Variants in KITLG observed in about 807,000 individuals in gnomAD.
KITLG encodes the protein c-Kit ligand.
Under a neutral mutation model 34.1 loss-of-function variants are expected in KITLG, and 13 were observed. That is an observed-to-expected ratio of 0.38 (90% CI 0.25 to 0.61). KITLG has a LOEUF of 0.61. Ranked by LOEUF, KITLG falls within the 20% of genes least tolerant of loss-of-function variation. The probability of loss-of-function intolerance (pLI) is 0.60; values close to 1 mark genes in which losing one functional copy is unlikely to be tolerated. For synonymous variants in KITLG, 110 were observed against 104.0 expected, an observed-to-expected ratio of 1.06 and a Z score of -0.35; for missense variants, 292 against 318.9, an observed-to-expected ratio of 0.92 and a Z score of 0.64.
chr12:88,559,864 T>A (rs1208197266), intron 1 of KITLG, among the ~76,000 whole-genome samples: 1 of 152,220 alleles, frequency 6.6e-6, no homozygotes, highest in African/African-American at 2.4e-5. Flanking sequence ...TGCAGATTCA[T>A]TGACATGCCT....
intron 9 of KITLG, among the ~76,000 whole-genome samples, chr12:88,502,095 C>T (rs1868884124): frequency 6.6e-6 from 1 of 152,046 alleles, no homozygotes; most frequent in Admixed American, 6.6e-5. Flanking sequence ...TGACCTGAGC[C>T]TTGGTGGAGC....
intron 1 of KITLG, among the ~76,000 whole-genome samples, chr12:88,553,310 T>A (rs1260431244): frequency 6.6e-6 from 1 of 152,220 alleles, no homozygotes; most frequent in African/African-American, 2.4e-5. Flanking sequence ...TCTGAGGGAA[T>A]AGGGTGCCTA....
chr12:88,550,767 A>T (rs1190643846), intron 1 of KITLG, among the ~76,000 whole-genome samples: 1 of 152,184 alleles, frequency 6.6e-6, no homozygotes, highest in Non-Finnish European at 1.5e-5. Context: ...ATGCGATAGC[A>T]GATCTCTAAA....
intron 9 of KITLG, among the ~76,000 whole-genome samples, chr12:88,498,903 G>C (rs568733624): frequency 7.7e-4 from 117 of 152,284 alleles, no homozygotes; most frequent in African/African-American, 2.8e-3. Flanking sequence ...GAAAGAGAGA[G>C]AGAGAGAATT....
intron 6 of KITLG, among the ~76,000 whole-genome samples, chr12:88,509,005 T>C (rs1214554425): frequency 6.6e-6 from 1 of 152,192 alleles, no homozygotes; most frequent in Admixed American, 6.5e-5. Context: ...CATTTGGCTG[T>C]TTTGGTTCTC....
intron 9 of KITLG, among the ~76,000 whole-genome samples, chr12:88,504,185 G>C (rs1450324813): frequency 6.6e-6 from 1 of 151,926 alleles, no homozygotes; most frequent in African/African-American, 2.4e-5. Flanking sequence ...CAAAACTGGA[G>C]AATACACAAT....
intron 1 of KITLG, among the ~76,000 whole-genome samples, chr12:88,555,787 A>G (rs1871077845): frequency 6.6e-6 from 1 of 152,216 alleles, no homozygotes; most frequent in South Asian, 2.1e-4. Context: ...ACTTCTAGTA[A>G]CATTATCCCA....
intron 3 of KITLG, among the ~76,000 whole-genome samples, chr12:88,525,253 T>C (rs983184424): frequency 5.9e-5 from 9 of 152,194 alleles, no homozygotes; most frequent in African/African-American, 1.9e-4. Context: ...AGTCTTTTCA[T>C]GGGGCCTGTT....
chr12:88,533,733 C>T (rs147008185), intron 2 of KITLG, among the ~76,000 whole-genome samples: 260 of 152,246 alleles, frequency 1.7e-3, no homozygotes, highest in African/African-American at 6.0e-3. Context: ...AGATCATGTG[C>T]ATGTTTGCTA....
rs1007619798 is a variant in KITLG, at chr12:88,496,380, C to G, written c.*839G>C. On this transcript the variant is annotated 3_prime_UTR_variant, in exon 10 of 10. Transcript: ENST00000644744. ...CACATCATAACACATTTTGCAAACA[C>G]GATTTATACACCCTATAGTGGTCAA... The G allele has an allele frequency of 2.0e-5, 3 of 152,122 alleles. No individual in the cohort carries two copies. The highest frequency in any genetic ancestry group is 7.2e-5 in the African/African-American group (3 of 41,430). The allele number at this position is 152,122 out of a possible 1,614,324, so 9.4% of individuals were successfully genotyped here.
chr12:88,573,935 AT>A (rs1226163171), intron 1 of KITLG, among the ~76,000 whole-genome samples: 1 of 152,156 alleles, frequency 6.6e-6, no homozygotes, highest in Non-Finnish European at 1.5e-5. Flanking sequence ...AGGCTACCTT[AT>A]TGCCCCGCTC....
intron 3 of KITLG, among the ~76,000 whole-genome samples, chr12:88,529,968 G>C (rs1870022520): frequency 6.6e-6 from 1 of 152,184 alleles, no homozygotes; most frequent in Admixed American, 6.5e-5. Context: ...CACAAAATAT[G>C]TGGCAGTGAA....
At chr12:88,543,302 CTCCCTGTG>C (rs1219809943) in intron 2 of KITLG, among the ~76,000 whole-genome samples, 2 of 152,124 alleles carry the variant, frequency 1.3e-5, no homozygotes, top group African/African-American at 4.8e-5. Context: ...TAATGTTCCC[CTCCCTGTG>C]TCCTTGTGTT....
chr12:88,543,742 A>G (rs1466884124), intron 2 of KITLG, among the ~76,000 whole-genome samples: 1 of 152,202 alleles, frequency 6.6e-6, no homozygotes, highest in Non-Finnish European at 1.5e-5. Context: ...CAACTGACTT[A>G]GACCATTGGG....
At chr12:88,532,366 GT>G in intron 3 of KITLG, 74 bp downstream of exon 3, 1 of 1,050,614 alleles carries the variant, frequency 9.5e-7, no homozygotes. Context: ...AGCAGCTAGT[GT>G]ACTATCTCAA....
chr12:88,505,631 A>G (rs1869028825), intron 8 of KITLG, among the ~76,000 whole-genome samples: 1 of 152,236 alleles, frequency 6.6e-6, no homozygotes, highest in African/African-American at 2.4e-5. Flanking sequence ...AGCCAGCTAC[A>G]GTGAATGGAA....
intron 3 of KITLG, among the ~76,000 whole-genome samples, chr12:88,525,810 C>G (rs939795364): frequency 1.3e-5 from 2 of 152,122 alleles, no homozygotes; most frequent in African/African-American, 4.8e-5. Flanking sequence ...GCTCCAGCAT[C>G]AAGCAAAACA....
intron 9 of KITLG, among the ~76,000 whole-genome samples, chr12:88,499,007 T>C (rs554338347): frequency 1.3e-5 from 2 of 152,250 alleles, no homozygotes; most frequent in South Asian, 2.1e-4. Flanking sequence ...TGTTTTCCCA[T>C]AGAACAAAAC....
chr12:88,580,041 G>T, intron 1 of KITLG: 1 of 601,692 alleles, frequency 1.7e-6, no homozygotes. Flanking sequence ...CTCCAAACTT[G>T]ACACTGGCTC....
Sources: allele counts gnomAD v4.1 joint callset (sites outside exome capture counted in the v4.1 genomes callset), GRCh38; gene constraint gnomAD v4.1.1; transcripts MANE v1.5; gene names NCBI Gene and HGNC (gene_info 2026-07-23, HGNC 2026-07-21).